The following TNNI3K variants were observed in gnomAD, a reference collection of about 807,000 sequenced individuals.
TNNI3K encodes TNNI3 interacting kinase.
TNNI3K carries 140 observed loss-of-function variants against 114.5 expected under a neutral mutation model. The ratio of observed to expected loss-of-function variants is 1.22; its 90% CI spans 1.07 to 1.41. The LOEUF (loss-of-function observed/expected upper bound fraction) is 1.41. TNNI3K is among the 40% of genes most tolerant of loss of function. TNNI3K has a pLI of 0.00. For synonymous variants in TNNI3K, 347 were observed against 347.5 expected (o/e 1.00, Z 0.02); for missense variants, 1,125 against 1,007.6 (o/e 1.12, Z -1.58).
At chr1:74,437,454 T>C (rs1434554573) in intron 19 of TNNI3K, among the ~76,000 whole-genome samples, 1 of 151,838 alleles carries the variant, frequency 6.6e-6, no homozygotes, top group Non-Finnish European at 1.5e-5. Flanking sequence ...AAAAGCAGAG[T>C]AAATGAATGG....
intron 17 of TNNI3K, among the ~76,000 whole-genome samples, chr1:74,397,652 T>C (rs906060146): frequency 6.6e-6 from 1 of 152,234 alleles, no homozygotes; most frequent in African/African-American, 2.4e-5. Context: ...ACTGTTTAGA[T>C]ATCAGAGTGT....
intron 5 of TNNI3K, among the ~76,000 whole-genome samples, chr1:74,284,110 A>G (rs959488957): frequency 2.0e-5 from 3 of 152,160 alleles, no homozygotes; most frequent in Non-Finnish European, 4.4e-5. Flanking sequence ...TTAGGAATAC[A>G]TTGTAATAAT....
chr1:74,279,913 T>C (rs1378123687), intron 5 of TNNI3K, among the ~76,000 whole-genome samples: 1 of 152,116 alleles, frequency 6.6e-6, no homozygotes, highest in East Asian at 1.9e-4. Context: ...AATAACCCAA[T>C]TGAAAAATGG....
At chr1:74,434,235 A>G (rs1666023838) in intron 17 of TNNI3K, among the ~76,000 whole-genome samples, 1 of 151,950 alleles carries the variant, frequency 6.6e-6, no homozygotes, top group Non-Finnish European at 1.5e-5. Context: ...ACTTTCACCC[A>G]AATATTCCCT....
intron 21 of TNNI3K, chr1:74,480,163 A>G (rs778191699): frequency 2.8e-6 from 2 of 716,534 alleles, no homozygotes; most frequent in South Asian, 3.0e-5. Flanking sequence ...CTGCGAAGCC[A>G]AGGACAGTCA....
intron 20 of TNNI3K, among the ~76,000 whole-genome samples, chr1:74,444,567 T>C (rs781748341): frequency 1.8e-4 from 28 of 151,966 alleles, no homozygotes; most frequent in Non-Finnish European, 1.9e-4. Context: ...TCCATACTCA[T>C]GGAGAGAAAG....
At position 74,489,257 on chromosome 1, in the gene TNNI3K, T is replaced by G. The variant is rs1248609693; in HGVS notation, c.2181+9T>G. 2 of 1,606,244 alleles carry G rather than the reference T, an allele frequency of 1.2e-6. No homozygotes were observed. ...GTCTCTGCAACATTGAGGTAAAAGC[T>G]TTAGCTTCTGAAATATGTCCATAAA... On this transcript the variant is annotated intron_variant, in intron 22 of 24. Coordinates refer to ENST00000326637, the MANE Select transcript of TNNI3K (RefSeq NM_015978.3).
intron 4 of TNNI3K, among the ~76,000 whole-genome samples, chr1:74,270,807 T>A (rs1213305218): frequency 6.6e-6 from 1 of 151,656 alleles, no homozygotes; most frequent in African/African-American, 2.4e-5. Context: ...AATCTTTGTA[T>A]AACAAAGATT....
At chr1:74,302,308 C>T (rs1266865420) in intron 5 of TNNI3K, among the ~76,000 whole-genome samples, 2 of 152,178 alleles carry the variant, frequency 1.3e-5, no homozygotes, top group East Asian at 3.9e-4. Flanking sequence ...CTCCTTGGGC[C>T]TACCTATTCC....
At chr1:74,443,301 G>C (rs966333554) in intron 20 of TNNI3K, among the ~76,000 whole-genome samples, 1 of 151,726 alleles carries the variant, frequency 6.6e-6, no homozygotes, top group African/African-American at 2.4e-5. Context: ...TAATCAAATA[G>C]GCATAATAAA....
intron 4 of TNNI3K, among the ~76,000 whole-genome samples, chr1:74,253,330 T>C (rs1014047839): frequency 6.6e-6 from 1 of 152,154 alleles, no homozygotes; most frequent in African/African-American, 2.4e-5. Context: ...TCCCACGCCA[T>C]GTGCCTGCAC....
In TNNI3K at chr1:74,542,137, T is replaced by G. The variant is rs978611386; in HGVS notation, c.2432-1769T>G. 1.3e-5 allele frequency among the ~76,000 whole-genome samples: 2 copies of G among 152,206 alleles called. 1 individual carries two copies. Among genetic ancestry groups the G allele is most frequent in the South Asian group, 4.1e-4 (2 of 4,826 alleles). ...ATCTGTTCTTACCTTCTGGCAATAATGACATCAATAATAAATGCTAGCCTC... is the reference window on the plus strand; with the variant it reads ...ATCTGTTCTTACCTTCTGGCAATAAGGACATCAATAATAAATGCTAGCCTC... On this transcript the variant is annotated intron_variant, in intron 24 of 24. Coordinates refer to ENST00000326637, the MANE Select transcript of TNNI3K (RefSeq NM_015978.3).
intron 11 of TNNI3K, among the ~76,000 whole-genome samples, chr1:74,355,512 G>A (rs1443100557): frequency 2.6e-5 from 4 of 152,226 alleles, no homozygotes; most frequent in African/African-American, 9.6e-5. Flanking sequence ...GCTGAGGCAG[G>A]AGAATCATTT....
At chr1:74,258,679 A>G (rs772051617) in intron 4 of TNNI3K, among the ~76,000 whole-genome samples, 1 of 152,190 alleles carries the variant, frequency 6.6e-6, no homozygotes, top group East Asian at 1.9e-4. Flanking sequence ...CATTGCCTAT[A>G]TAATGACATT....
chr1:74,384,659 G>A (rs900096336), intron 17 of TNNI3K, among the ~76,000 whole-genome samples: 1 of 152,212 alleles, frequency 6.6e-6, no homozygotes, highest in Non-Finnish European at 1.5e-5. Context: ...TCTCAAAACA[G>A]TTTGGCTTGT....
chr1:74,255,802 G>C (rs569136392), intron 4 of TNNI3K, among the ~76,000 whole-genome samples: 1 of 152,134 alleles, frequency 6.6e-6, no homozygotes, highest in African/African-American at 2.4e-5. Context: ...TTCTCACCTG[G>C]TCTCTGGAAA....
intron 5 of TNNI3K, among the ~76,000 whole-genome samples, chr1:74,302,270 G>A (rs1401977208): frequency 1.3e-5 from 2 of 152,186 alleles, no homozygotes; most frequent in Non-Finnish European, 1.5e-5. Flanking sequence ...CTAATCCACT[G>A]ACAGGCCATT....
At position 74,344,698 on chromosome 1, in the gene TNNI3K, C is replaced by T. The variant is rs545950365; in HGVS notation, c.932+1519C>T. On this transcript the variant is annotated intron_variant, in intron 9 of 24. Transcript: ENST00000326637. Reference sequence around the variant, plus strand: ...CTTCATGCACTAAAATTAAAACCAACTGTAATCAGAGGGTGACTGTCACCT... The same window carrying T: ...CTTCATGCACTAAAATTAAAACCAATTGTAATCAGAGGGTGACTGTCACCT... 9.9e-5 allele frequency among the ~76,000 whole-genome samples: 15 copies of T among 152,238 alleles called. No individual in the cohort carries two copies. In the South Asian group the frequency reaches 3.1e-3, roughly 32 times the overall value.
At chr1:74,476,860 G>C (rs190312305) in intron 21 of TNNI3K, among the ~76,000 whole-genome samples, 142 of 152,142 alleles carry the variant, frequency 9.3e-4, no homozygotes, top group African/African-American at 3.3e-3. Flanking sequence ...GAAAAGGGAG[G>C]GTATCAGGTC....
Sources: allele counts gnomAD v4.1 joint callset (sites outside exome capture counted in the v4.1 genomes callset), GRCh38; gene constraint gnomAD v4.1.1; transcripts MANE v1.5; gene names NCBI Gene and HGNC (gene_info 2026-07-23, HGNC 2026-07-21).